Variants in ALPK1 observed in about 807,000 individuals in gnomAD.
The protein encoded by ALPK1 is alpha-protein kinase 1.
Under a neutral mutation model 120.6 loss-of-function variants are expected in ALPK1, and 110 were observed. The ratio of observed to expected loss-of-function variants is 0.91; its 90% CI spans 0.78 to 1.07. The LOEUF (loss-of-function observed/expected upper bound fraction) is 1.07. Among genes scored for constraint, ALPK1 ranks in the 50% least tolerant of loss-of-function variants. The pLI is 0.00. For synonymous variants in ALPK1, 582 were observed against 560.3 expected, an observed-to-expected ratio of 1.04 and a Z score of -0.55; for missense variants, 1,498 against 1,483.9, an observed-to-expected ratio of 1.01 and a Z score of -0.16.
chr4:112,299,781 A>G (rs1379839541), intron 1 of ALPK1, among the ~76,000 whole-genome samples: 2 of 152,182 alleles, frequency 1.3e-5, no homozygotes, highest in African/African-American at 2.4e-5. Context: ...AAACTATTAT[A>G]TTTCCTCGTA....
At chr4:112,313,779 C>T (rs1171939222) in intron 1 of ALPK1, among the ~76,000 whole-genome samples, 1 of 152,102 alleles carries the variant, frequency 6.6e-6, no homozygotes, top group African/African-American at 2.4e-5. Context: ...TGGAGTTGAT[C>T]AGTGACTTTG....
intron 2 of ALPK1, among the ~76,000 whole-genome samples, chr4:112,333,924 T>C (rs1184494394): frequency 3.9e-5 from 6 of 151,918 alleles, no homozygotes. Context: ...TGTTTGGTTT[T>C]GTTTTTTGTG....
intron 11 of ALPK1, among the ~76,000 whole-genome samples, chr4:112,433,965 G>A (rs573411211): frequency 6.6e-6 from 1 of 152,246 alleles, no homozygotes; most frequent in East Asian, 1.9e-4. Context: ...ACTGTTAAGA[G>A]CTTCTGCTTC....
At chr4:112,316,988 A>G (rs1728664714) in intron 2 of ALPK1, among the ~76,000 whole-genome samples, 1 of 152,186 alleles carries the variant, frequency 6.6e-6, no homozygotes, top group African/African-American at 2.4e-5. Flanking sequence ...AAAAAACTTT[A>G]GTGGATGAAT....
intron 4 of ALPK1, among the ~76,000 whole-genome samples, chr4:112,393,147 G>A (rs1405313721): frequency 6.6e-6 from 1 of 152,218 alleles, no homozygotes; most frequent in Non-Finnish European, 1.5e-5. Flanking sequence ...TAACCCAACA[G>A]ATGTGGCCAT....
intron 2 of ALPK1, chr4:112,358,676 A>T (rs750882862): frequency 2.3e-5 from 17 of 723,690 alleles, no homozygotes; most frequent in Admixed American, 5.9e-5. Context: ...TGTCTCTCCC[A>T]TCTAAGAGGC....
chr4:112,346,541 A>G (rs1247181815), intron 2 of ALPK1, among the ~76,000 whole-genome samples: 1 of 152,238 alleles, frequency 6.6e-6, no homozygotes, highest in Non-Finnish European at 1.5e-5. Flanking sequence ...TATTGGTGTC[A>G]ATGAAATTGT....
chr4:112,398,123 G>A (rs1354713806), intron 4 of ALPK1, among the ~76,000 whole-genome samples: 1 of 152,152 alleles, frequency 6.6e-6, no homozygotes, highest in Admixed American at 6.6e-5. Context: ...ATATCTGAGG[G>A]CAGAGCATTG....
chr4:112,434,975 C>T (rs905635176), intron 11 of ALPK1, among the ~76,000 whole-genome samples, 173 bp from the exon 12 acceptor site: 1 of 152,070 alleles, frequency 6.6e-6, no homozygotes, highest in Admixed American at 6.5e-5. Context: ...TATTATTTCT[C>T]ACTAACTTTT....
chr4:112,320,739 T>C (rs191721443), intron 2 of ALPK1, among the ~76,000 whole-genome samples: 16 of 152,174 alleles, frequency 1.1e-4, no homozygotes, highest in Admixed American at 8.5e-4. Flanking sequence ...CTGTTCAGAG[T>C]TTCTATTTCT....
intron 2 of ALPK1, among the ~76,000 whole-genome samples, chr4:112,338,521 G>GA (rs1028798553): frequency 8.6e-5 from 13 of 151,968 alleles, no homozygotes; most frequent in African/African-American, 3.1e-4. Flanking sequence ...ACAGACAATC[G>GA]AAAAAAATAT....
rs568819003 is a variant in ALPK1 at position 112,416,655 on chromosome 4, G to A, written c.475+4630G>A. Among the ~76,000 whole-genome samples, 24 of 152,084 alleles carry A rather than the reference G, an allele frequency of 1.6e-4. 2 individuals carry two copies. The highest frequency in any genetic ancestry group is 6.8e-3 in the Middle Eastern group (2 of 294). ...TTAGGAGGCCAAGGTGGGAGGGATCGCATGAGCCCAAGAGTTCAAGACCAG... is the reference window on the plus strand; with the variant it reads ...TTAGGAGGCCAAGGTGGGAGGGATCACATGAGCCCAAGAGTTCAAGACCAG... On this transcript the variant is annotated intron_variant, in intron 5 of 15. Coordinates refer to ENST00000650871, the MANE Select transcript of ALPK1 (RefSeq NM_025144.4).
chr4:112,357,280 C>G (rs1730678240), intron 2 of ALPK1: 1 of 1,173,824 alleles, frequency 8.5e-7, no homozygotes, highest in Non-Finnish European at 1.2e-6. Context: ...GGGTGTTCGC[C>G]AACACAGCCG....
intron 5 of ALPK1, 99 bp from the exon 6 acceptor site, chr4:112,423,845 G>T (rs1342640430): frequency 7.0e-6 from 8 of 1,135,762 alleles, no homozygotes; most frequent in Non-Finnish European, 1.1e-5. Context: ...GGAGGTTACA[G>T]TTCCTGCTGC....
intron 5 of ALPK1, among the ~76,000 whole-genome samples, chr4:112,417,870 A>AT (rs1194135663): frequency 2.0e-5 from 3 of 152,222 alleles, no homozygotes; most frequent in African/African-American, 7.2e-5. Context: ...ACCTAAATAG[A>AT]TTTTTTAAAG....
chr4:112,432,077 A>G lies in ALPK1; in HGVS notation c.2530A>G (p.Ile844Val), dbSNP rs1162324156. Residue 844 changes from isoleucine (I) to valine (V), a missense_variant, in exon 11 of 16, where the codon ATC becomes GTC. Coordinates refer to ENST00000650871, the MANE Select transcript of ALPK1 (RefSeq NM_025144.4). ...TGGTGGCCCAGTCGCAGAGCAGGGCATCGACCCTGATGCCTCCACAGTGGA... is the reference window on the plus strand; with the variant it reads ...TGGTGGCCCAGTCGCAGAGCAGGGCGTCGACCCTGATGCCTCCACAGTGGA... The part of the protein sequence containing the change: ...KSGGPVAEQG[I>V]DPDASTVDEE... The G allele has an allele frequency of 2.5e-6, 4 of 1,614,136 alleles. No individual in the cohort carries two copies. Among genetic ancestry groups the G allele is most frequent in the Non-Finnish European group, 3.4e-6 (4 of 1,179,994 alleles).
At chr4:112,387,033 AC>A (rs1281125154) in intron 4 of ALPK1, among the ~76,000 whole-genome samples, 1 of 152,094 alleles carries the variant, frequency 6.6e-6, no homozygotes, top group African/African-American at 2.4e-5. Context: ...ATTCAGCAAA[AC>A]CTTTGATGGA....
At chr4:112,357,967 C>A (rs2074387) in intron 2 of ALPK1, 1 of 718,302 alleles carries the variant, frequency 1.4e-6, no homozygotes. Flanking sequence ...GGTCTACCGG[C>A]GCCACCTTCC....
chr4:112,397,083 C>T (rs1732685408), intron 4 of ALPK1, among the ~76,000 whole-genome samples: 1 of 152,092 alleles, frequency 6.6e-6, no homozygotes, highest in Non-Finnish European at 1.5e-5. Context: ...GGCCCTGTGG[C>T]GTTGTTATCT....
Sources: gnomAD v4.1 joint callset for allele counts (sites outside exome capture counted in the v4.1 genomes callset) on GRCh38, gnomAD v4.1.1 for gene constraint, MANE v1.5 for transcripts, NCBI Gene and HGNC (gene_info 2026-07-23, HGNC 2026-07-21) for gene names.